Variants in DSCAML1 observed in about 807,000 individuals in gnomAD.
The protein encoded by DSCAML1 is cell adhesion molecule DSCAML1.
DSCAML1 carries 38 observed loss-of-function variants against 200.5 expected under a neutral mutation model. The ratio of observed to expected loss-of-function variants is 0.19; its 90% CI spans 0.15 to 0.25. The LOEUF (loss-of-function observed/expected upper bound fraction) is 0.25. Among genes scored for constraint, DSCAML1 ranks in the 10% least tolerant of loss-of-function variants. The probability of loss-of-function intolerance (pLI) is 1.00; values close to 1 mark genes in which losing one functional copy is unlikely to be tolerated. For missense variants in DSCAML1, 2,223 were observed against 2,858.8 expected (o/e 0.78, Z 5.07); for synonymous variants, 1,215 against 1,165.0 (o/e 1.04, Z -0.87).
intron 14 of DSCAML1, among the ~76,000 whole-genome samples, chr11:117,479,017 A>C (rs1300574128): frequency 6.6e-6 from 1 of 152,276 alleles, no homozygotes; most frequent in Non-Finnish European, 1.5e-5. Context: ...GTCCCTGGAC[A>C]GAGTGGCTTC....
rs371245463 is a variant in DSCAML1, at chr11:117,583,642, G to A, written c.512-51120C>T. ...GGTCTGCCCTCCCCCCATCAGCCCC[G>A]GAGCCCTTGGGGAGCAGAAGCATCT... On this transcript the variant is annotated intron_variant, in intron 3 of 32. Coordinates refer to ENST00000651296, the MANE Select transcript of DSCAML1 (RefSeq NM_020693.4). 2.6e-5 allele frequency among the ~76,000 whole-genome samples: 4 copies of A among 152,230 alleles called. No individual in the cohort carries two copies. In the South Asian group the frequency reaches 8.3e-4, roughly 32 times the overall value.
chr11:117,593,459 G>A (rs898750857), intron 3 of DSCAML1, among the ~76,000 whole-genome samples: 7 of 152,168 alleles, frequency 4.6e-5, no homozygotes, highest in Non-Finnish European at 1.0e-4. Context: ...AACCAAAGCC[G>A]CTCCCATGTC....
chr11:117,498,839 A>G lies in DSCAML1; in HGVS notation c.2359+5006T>C, dbSNP rs1437289263. 2.6e-5 allele frequency among the ~76,000 whole-genome samples: 4 copies of G among 152,154 alleles called. No homozygotes were observed. Among genetic ancestry groups the G allele is most frequent in the Admixed American group, 2.0e-4 (3 of 15,260 alleles). ...GGGACCTTATTTTAATTGGTCTGAC[A>G]TTTTGCTAAACAAATAAATCAAAAC... On this transcript the variant is annotated intron_variant, in intron 11 of 32. Transcript: ENST00000651296. This position sits in a 1 kb window ranked among gnomAD's most constrained non-coding sequence, Gnocchi z 4.0.
At chr11:117,732,713 C>T (rs1006044301) in intron 3 of DSCAML1, among the ~76,000 whole-genome samples, 1 of 152,190 alleles carries the variant, frequency 6.6e-6, no homozygotes, top group South Asian at 2.1e-4. Context: ...TTACCTCTCT[C>T]CTTCCGGAAA....
At chr11:117,723,049 G>T (rs895528011) in intron 3 of DSCAML1, among the ~76,000 whole-genome samples, 3 of 152,180 alleles carry the variant, frequency 2.0e-5, no homozygotes, top group Admixed American at 6.5e-5. Flanking sequence ...TGTAAGATGA[G>T]AATAACAATG....
At position 117,629,238 on chromosome 11, in the gene DSCAML1, G is replaced by A. The variant is rs150686984; in HGVS notation, c.512-96716C>T. ...GTTACGCTCTCTATGATATGTCACT[G>A]TCTGGAGGCTGAAGCGGGGAGGTAC... is the stretch of plus-strand genomic sequence containing the variant. On this transcript the variant is annotated intron_variant, in intron 3 of 32. Transcript: ENST00000651296. Among the ~76,000 whole-genome samples the A allele has an allele frequency of 4.0e-3, 614 of 152,318 alleles. 9 individuals carry two copies. Among genetic ancestry groups the A allele is most frequent in the African/African-American group, 0.014 (570 of 41,564 alleles).
intron 3 of DSCAML1, among the ~76,000 whole-genome samples, chr11:117,711,419 A>T (rs11216511): frequency 0.013 from 2,012 of 152,342 alleles, 104 homozygotes; most frequent in Admixed American, 0.093. Flanking sequence ...GTGGCTTGAT[A>T]AACTAACTCA....
chr11:117,750,973 C>T (rs2054595420), intron 3 of DSCAML1, among the ~76,000 whole-genome samples: 1 of 152,156 alleles, frequency 6.6e-6, no homozygotes, highest in South Asian at 2.1e-4. Context: ...ATCTTGCCCC[C>T]AGGTCACAGT....
intron 3 of DSCAML1, among the ~76,000 whole-genome samples, chr11:117,682,193 C>T (rs940155409): frequency 4.6e-5 from 7 of 152,162 alleles, no homozygotes; most frequent in African/African-American, 7.2e-5. Context: ...ATGGCAGCAG[C>T]GCTCTGTTCA....
At chr11:117,679,833 C>T (rs192396359) in intron 3 of DSCAML1, among the ~76,000 whole-genome samples, 160 of 152,238 alleles carry the variant, frequency 1.1e-3, no homozygotes, top group Non-Finnish European at 2.1e-3. Context: ...ATCATGTGCC[C>T]ACCAGGAAGA....
Position 117,521,188 on chromosome 11 carries a change from C to T in DSCAML1, c.1155G>A (p.Gln385=), listed in dbSNP as rs775152674. The T allele has an allele frequency of 1.9e-6, 3 of 1,614,150 alleles. No individual in the cohort carries two copies. The South Asian group carries it at 3.3e-5, about 18-fold the overall frequency. Reference sequence around the variant, plus strand: ...TCTGGGCCTTGCGGGTAGCGAAGCACTGGTAGGCCCCGGAATGGCTCTTCT... The same window carrying T: ...TCTGGGCCTTGCGGGTAGCGAAGCATTGGTAGGCCCCGGAATGGCTCTTCT... ...SAQKSHSGAY[Q]CFATRKAQTA... is the part of the protein sequence containing the mutation. Residue 385 remains glutamine, a synonymous_variant, in exon 6 of 33, where the codon CAG becomes CAA. Transcript: ENST00000651296.
intron 3 of DSCAML1, among the ~76,000 whole-genome samples, chr11:117,610,848 C>A (rs1050629183): frequency 9.4e-5 from 14 of 148,950 alleles, no homozygotes; most frequent in African/African-American, 2.0e-4. Context: ...CAACCCCCCC[C>A]CCCCACAATG....
intron 3 of DSCAML1, among the ~76,000 whole-genome samples, chr11:117,645,957 A>G (rs2052513684): frequency 1.3e-5 from 2 of 152,204 alleles, no homozygotes; most frequent in Non-Finnish European, 2.9e-5. Context: ...CTGTGTACCC[A>G]ATATACAGTA....
At chr11:117,644,134 G>T (rs1029150322) in intron 3 of DSCAML1, among the ~76,000 whole-genome samples, 1 of 152,210 alleles carries the variant, frequency 6.6e-6, no homozygotes, top group African/African-American at 2.4e-5. Flanking sequence ...AGGGCCGCCC[G>T]GTCGGCCTGC....
intron 20 of DSCAML1, among the ~76,000 whole-genome samples, chr11:117,448,998 A>T (rs1170601360): frequency 6.6e-6 from 1 of 152,244 alleles, no homozygotes; most frequent in East Asian, 1.9e-4. Context: ...CAATGGATTA[A>T]TAATCATAAC....
At chr11:117,515,419 A>T (rs2049739370) in intron 8 of DSCAML1, among the ~76,000 whole-genome samples, 1 of 152,110 alleles carries the variant, frequency 6.6e-6, no homozygotes. Flanking sequence ...CAAAGAATGT[A>T]TTTGGGGGTT....
chr11:117,437,918 A>T lies in DSCAML1; in HGVS notation c.4409T>A (p.Ile1470Asn). 1 of 1,611,480 alleles carries T rather than the reference A, an allele frequency of 6.2e-7. No individual in the cohort carries two copies. Among genetic ancestry groups the T allele is most frequent in the Non-Finnish European group, 8.5e-7 (1 of 1,179,554 alleles). ...ACCCCGCCCGTGGGTCTTGGCCTCG[A>T]TGATCTCGCTGATGCGCCCAGAGCC... ...SVGSGRISEI[I>N]EAKTHGREPS... Residue 1470 changes from isoleucine to asparagine, a missense_variant, in exon 25 of 33, where the codon ATC becomes AAC. Transcript: ENST00000651296. This position sits in a 1 kb window ranked among gnomAD's most constrained non-coding sequence, Gnocchi z 5.3.
chr11:117,433,086 C>G, intron 29 of DSCAML1, 52 bp downstream of exon 29: 1 of 1,524,542 alleles, frequency 6.6e-7, no homozygotes, highest in Non-Finnish European at 9.1e-7. Context: ...TGGGTTGTAG[C>G]CTGGGGAAGC....
intron 3 of DSCAML1, among the ~76,000 whole-genome samples, chr11:117,681,503 C>A (rs905233282): frequency 1.3e-5 from 2 of 152,196 alleles, no homozygotes; most frequent in African/African-American, 4.8e-5. Flanking sequence ...CAGGCTATTC[C>A]AAGGCAGGCC....
Sources: gnomAD v4.1 joint callset for allele counts (sites outside exome capture counted in the v4.1 genomes callset) on GRCh38, gnomAD v4.1.1 for gene constraint, Gnocchi (gnomAD v3.1) non-coding constraint, MANE v1.5 for transcripts, NCBI Gene and HGNC (gene_info 2026-07-23, HGNC 2026-07-21) for gene names.